PRELID2: variants seen among roughly 807,000 people sequenced by gnomAD.
PRELID2 encodes PRELI domain containing 2.
PRELID2 carries 25 observed loss-of-function variants against 28.4 expected under a neutral mutation model. That is an observed-to-expected ratio of 0.88 (90% CI 0.64 to 1.23). The LOEUF (loss-of-function observed/expected upper bound fraction) is 1.23, where lower values mean the gene tolerates loss of function less well. Ranked by LOEUF, PRELID2 falls within the 50% of genes most tolerant of loss-of-function variation. The pLI, the probability that PRELID2 is intolerant of heterozygous loss-of-function variation, is 0.00. For missense variants in PRELID2, 201 were observed against 214.4 expected (o/e 0.94, Z 0.39); for synonymous variants, 76 against 71.6 (o/e 1.06, Z -0.31).
chr5:145,577,340 C>G (rs982398659), intron 1 of PRELID2, among the ~76,000 whole-genome samples: 3 of 151,894 alleles, frequency 2.0e-5, no homozygotes, highest in Admixed American at 6.6e-5. Context: ...CAATAAAATA[C>G]ACAGAAACAA....
the PRELID2 span, among the ~76,000 whole-genome samples, chr5:145,448,593 T>C: frequency 6.6e-6 from 1 of 152,128 alleles, no homozygotes; most frequent in Non-Finnish European, 1.5e-5. Context: ...AAGAGGGCCA[T>C]TACATAATGG....
At chr5:145,826,962 G>C (rs568476556) in intron 1 of PRELID2, among the ~76,000 whole-genome samples, 1 of 152,104 alleles carries the variant, frequency 6.6e-6, no homozygotes, top group African/African-American at 2.4e-5. Flanking sequence ...AATAACATTT[G>C]CTTCCCCTCT....
At chr5:145,579,357 C>T (rs998969955) in intron 1 of PRELID2, among the ~76,000 whole-genome samples, 3 of 152,058 alleles carry the variant, frequency 2.0e-5, no homozygotes, top group African/African-American at 7.2e-5. Context: ...TAAGAAAGAG[C>T]TAGTATTCGC....
chr5:145,366,699 G>T, the PRELID2 span, among the ~76,000 whole-genome samples: 1 of 151,772 alleles, frequency 6.6e-6, no homozygotes, highest in Non-Finnish European at 1.5e-5. Flanking sequence ...ACAAACCAAA[G>T]CGTATCTCTG....
At chr5:145,761,118 A>C (rs1259673234) in intron 6 of PRELID2, among the ~76,000 whole-genome samples, 5 of 152,222 alleles carry the variant, frequency 3.3e-5, no homozygotes, top group Non-Finnish European at 5.9e-5. Flanking sequence ...AAATTATGCA[A>C]ATTTAAAATG....
At chr5:145,431,603 G>A in the PRELID2 span, among the ~76,000 whole-genome samples, 4 of 152,134 alleles carry the variant, frequency 2.6e-5, no homozygotes, top group Non-Finnish European at 5.9e-5. Context: ...CACAGCATCA[G>A]CTCCGTAATA....
At chr5:145,582,030 T>C (rs764122164) in intron 1 of PRELID2, among the ~76,000 whole-genome samples, 2 of 152,032 alleles carry the variant, frequency 1.3e-5, no homozygotes, top group Admixed American at 6.6e-5. Flanking sequence ...AGTCCTAATT[T>C]TGTGTTATAA....
chr5:145,652,299 G>A (rs1385473348), intron 1 of PRELID2, among the ~76,000 whole-genome samples: 2 of 152,180 alleles, frequency 1.3e-5, no homozygotes, highest in Non-Finnish European at 2.9e-5. Flanking sequence ...AAAGTGACAG[G>A]GAAAATGGAA....
chr5:145,787,042 ATAATGATGGAAC>A (rs1752037776), intron 5 of PRELID2, among the ~76,000 whole-genome samples: 1 of 152,252 alleles, frequency 6.6e-6, no homozygotes, highest in African/African-American at 2.4e-5. Flanking sequence ...CACAATAAGA[ATAATGATGGAAC>A]TAATAATGGG....
intron 1 of PRELID2, among the ~76,000 whole-genome samples, chr5:145,492,107 C>T (rs547977795): frequency 1.3e-5 from 2 of 152,178 alleles, no homozygotes; most frequent in East Asian, 1.9e-4. Context: ...TTTGAGAAAC[C>T]GCCATACTAT....
At chr5:145,255,320 T>C in the PRELID2 span, among the ~76,000 whole-genome samples, 4 of 150,900 alleles carry the variant, frequency 2.7e-5, no homozygotes, top group South Asian at 2.1e-4. Flanking sequence ...GGAAAAAAAA[T>C]ACACAGAAAG....
chr5:145,782,779 T>C (rs2149797002), intron 5 of PRELID2, among the ~76,000 whole-genome samples: 1 of 152,362 alleles, frequency 6.6e-6, no homozygotes, highest in East Asian at 1.9e-4. Context: ...CTAGTTAGCT[T>C]AAACTACTGC....
intron 1 of PRELID2, among the ~76,000 whole-genome samples, chr5:145,740,617 T>A (rs866264859): frequency 1.3e-4 from 1 of 7,412 alleles, no homozygotes; most frequent in East Asian, 0.02. Context: ...TATATATAAA[T>A]ATATATATAT....
At chr5:145,327,416 G>T in the PRELID2 span, among the ~76,000 whole-genome samples, 1 of 151,764 alleles carries the variant, frequency 6.6e-6, no homozygotes, top group African/African-American at 2.4e-5. Context: ...AATTTTGTAC[G>T]ATATAATTAA....
the PRELID2 span, among the ~76,000 whole-genome samples, chr5:145,382,356 T>C: frequency 6.6e-6 from 1 of 152,040 alleles, no homozygotes; most frequent in Non-Finnish European, 1.5e-5. Flanking sequence ...AATCAATTAA[T>C]AGACCAAATG....
At chr5:145,729,449 C>T (rs1756272892) in intron 1 of PRELID2, 1 of 328,718 alleles carries the variant, frequency 3.0e-6, no homozygotes. Context: ...TCTAAGTCCT[C>T]ACTTTGTCTT....
intron 2 of PRELID2, 105 bp from the exon 3 acceptor site, chr5:145,820,123 G>GTTT (rs74273635): frequency 4.9e-5 from 13 of 263,908 alleles, no homozygotes; most frequent in Admixed American, 1.2e-4. Context: ...TTTGTTTTTT[G>GTTT]TTTTTTTTTT....
At chr5:145,710,423 A>G (rs1317382362) in intron 1 of PRELID2, among the ~76,000 whole-genome samples, 2 of 152,122 alleles carry the variant, frequency 1.3e-5, no homozygotes, top group Non-Finnish European at 1.5e-5. Flanking sequence ...TCCCTTTTTC[A>G]AAAAGGTAGG....
chr5:145,639,336 A>G (rs1754056544), intron 1 of PRELID2, among the ~76,000 whole-genome samples: 1 of 151,924 alleles, frequency 6.6e-6, no homozygotes. Context: ...AAGAAAGAAC[A>G]CAGCTTGAAA....
Sources: gnomAD v4.1 joint callset for allele counts (sites outside exome capture counted in the v4.1 genomes callset) on GRCh38, gnomAD v4.1.1 for gene constraint, MANE v1.5 for transcripts, NCBI Gene and HGNC (gene_info 2026-07-23, HGNC 2026-07-21) for gene names.